Variants in SULT2B1 observed in about 807,000 individuals in gnomAD.
SULT2B1 encodes the protein sulfotransferase 2B1.
Under a neutral mutation model 33.2 loss-of-function variants are expected in SULT2B1, and 16 were observed. The ratio of observed to expected loss-of-function variants is 0.48; its 90% CI spans 0.33 to 0.73. SULT2B1 has a LOEUF of 0.73. Among genes scored for constraint, SULT2B1 ranks in the 30% least tolerant of loss-of-function variants. The probability of loss-of-function intolerance (pLI) is 0.02; values close to 1 mark genes in which losing one functional copy is unlikely to be tolerated. For synonymous variants in SULT2B1, 186 were observed against 200.5 expected (o/e 0.93, Z 0.61); for missense variants, 500 against 506.0 (o/e 0.99, Z 0.11).
chr19:48,581,414 T>C (rs1297204414), intron 2 of SULT2B1, among the ~76,000 whole-genome samples: 1 of 151,556 alleles, frequency 6.6e-6, no homozygotes, highest in Non-Finnish European at 1.5e-5. Context: ...TTTGGTAAAG[T>C]GTTGAAATAT....
chr19:48,585,274 T>G (rs140260348), intron 2 of SULT2B1, among the ~76,000 whole-genome samples: 2 of 152,264 alleles, frequency 1.3e-5, no homozygotes, highest in East Asian at 3.9e-4. Context: ...GTTTCTCTTC[T>G]GAACAGCCTG....
intron 1 of SULT2B1, chr19:48,575,426 C>A (rs1442380156): frequency 6.7e-6 from 1 of 149,230 alleles, no homozygotes; most frequent in African/African-American, 2.5e-5. Context: ...GTGTGAGCCA[C>A]CGCGCCTGGG....
chr19:48,569,364 ATATATATAT>A (rs1973289636), intron 1 of SULT2B1, among the ~76,000 whole-genome samples: 1 of 1,418 alleles, frequency 7.1e-4, no homozygotes, highest in Non-Finnish European at 1.7e-3. Context: ...AAAAAAAAAC[ATATATATAT>A]ATATATATAT....
rs1568405738 is a variant in SULT2B1, at chr19:48,569,357, A to ATAT, written c.72-6584_72-6583insTAT. Among the ~76,000 whole-genome samples the ATAT allele has an allele frequency of 3.8e-4, 4 of 10,472 alleles. No homozygotes were observed. In the African/African-American group the frequency reaches 3.8e-3, roughly 10 times the overall value. The allele number at this position is 10,472 out of a possible 152,430, so 6.9% of individuals were successfully genotyped here. On this transcript the variant is annotated intron_variant, in intron 1 of 6. Coordinates refer to ENST00000201586, the MANE Select transcript of SULT2B1 (RefSeq NM_177973.2). Reference sequence around the variant, plus strand: ...ACTCCGTCTCAAAAAAAAAAAAAAAAAAAAACATATATATATATATATATA... The same window carrying ATAT: ...ACTCCGTCTCAAAAAAAAAAAAAAAATATAAAAACATATATATATATATATATA...
Position 48,592,763 on chromosome 19 carries a change from C to T in SULT2B1, c.592C>T (p.Arg198Trp), listed in dbSNP as rs544329093. The change falls in exon 5 of 7, where the codon CGG (arginine) becomes TGG (tryptophan). Residue 198 changes from arginine (R) to tryptophan (W), a missense_variant. Transcript: ENST00000201586. ...SWFDHIKGWL[R>W]MKGKDNFLFI... is the part of the protein sequence containing the mutation. ...GTTCGACCACATTAAGGGCTGGCTT[C>T]GGATGAAGGGCAAAGACAACTTCCT... 6.9e-6 allele frequency: 11 copies of T among 1,598,100 alleles called. No individual in the cohort carries two copies. The highest frequency in any genetic ancestry group is 5.2e-5 in the Admixed American group (3 of 57,450).
Position 48,591,754 on chromosome 19 carries a change from G to A in SULT2B1, c.550+19G>A, listed in dbSNP as rs370601372. ...GGCGAAGGTGGGGACAGGGTAAAGC[G>A]GGGCAGGAGGGGTGGGGAGGAGCCC... On this transcript the variant is annotated intron_variant, in intron 4 of 6. Transcript: ENST00000201586. 145 of 1,553,594 alleles carry A rather than the reference G, an allele frequency of 9.3e-5. No individual in the cohort carries two copies. The African/African-American group carries it at 1.1e-3, about 12-fold the overall frequency.
chr19:48,563,239 C>G (rs930721222), intron 1 of SULT2B1, among the ~76,000 whole-genome samples: 1 of 152,094 alleles, frequency 6.6e-6, no homozygotes, highest in African/African-American at 2.4e-5. Flanking sequence ...TTAAAACCTA[C>G]TTTACAGCTA....
At chr19:48,574,164 TGAG>T (rs1369906324) in intron 1 of SULT2B1, among the ~76,000 whole-genome samples, 1 of 152,110 alleles carries the variant, frequency 6.6e-6, no homozygotes, top group East Asian at 1.9e-4. Flanking sequence ...GCCCAGCCCT[TGAG>T]GAGTTTTCAA....
intron 5 of SULT2B1, among the ~76,000 whole-genome samples, chr19:48,593,713 C>T (rs997808345): frequency 6.6e-6 from 1 of 151,098 alleles, no homozygotes; most frequent in African/African-American, 2.4e-5. Flanking sequence ...CGGCTCACCG[C>T]AACCTCCAAC....
intron 1 of SULT2B1, among the ~76,000 whole-genome samples, chr19:48,573,193 T>A (rs918283304): frequency 1.3e-5 from 2 of 151,264 alleles, no homozygotes; most frequent in African/African-American, 4.9e-5. Context: ...TCCAGGGGGC[T>A]TGCAGGCAGA....
rs371872946 is a variant in SULT2B1 at position 48,553,891 on chromosome 19, T to G, written c.71+1568T>G. 8.5e-5 allele frequency among the ~76,000 whole-genome samples: 13 copies of G among 152,282 alleles called. No homozygotes were observed. In the East Asian group the frequency reaches 1.7e-3, roughly 20 times the overall value. On this transcript the variant is annotated intron_variant, in intron 1 of 6. Transcript: ENST00000201586. ...GTTCTGCAATTCTTCTCTCCAGAGA[T>G]AAACAGATAAGCCAGCTCGCCTCCA...
At chr19:48,576,359 C>CTTTTTT (rs1188887401) in intron 2 of SULT2B1, among the ~76,000 whole-genome samples, 2 of 96,716 alleles carry the variant, frequency 2.1e-5, no homozygotes, top group African/African-American at 4.3e-5. Flanking sequence ...CTCTACTTCT[C>CTTTTTT]TTTTTTTTTT....
intron 2 of SULT2B1, among the ~76,000 whole-genome samples, chr19:48,577,028 ATTTTTTTTTTT>A (rs71179012): frequency 2.5e-4 from 23 of 92,942 alleles, no homozygotes; most frequent in South Asian, 7.7e-4. Flanking sequence ...ACCCCCCTCT[ATTTTTTTTTTT>A]TTTTTTTTTT....
intron 1 of SULT2B1, among the ~76,000 whole-genome samples, chr19:48,568,802 G>A (rs1039602803): frequency 3.9e-5 from 6 of 152,152 alleles, no homozygotes; most frequent in African/African-American, 1.2e-4. Flanking sequence ...CCTGCTGTCC[G>A]ATCGCATTCC....
chr19:48,576,189 C>A, intron 2 of SULT2B1, 106 bp downstream of exon 2: 1 of 1,075,714 alleles, frequency 9.3e-7, no homozygotes, highest in Non-Finnish European at 1.4e-6. Flanking sequence ...AAAGTGGGGC[C>A]GGGTCTGTTC....
At chr19:48,575,582 A>G (rs7249118) in intron 1 of SULT2B1, 108,118 of 161,610 alleles carry the variant, frequency 0.67, 36,300 homozygotes, top group East Asian at 0.77. Context: ...CTGGGTTCAA[A>G]CGATTCTCCT....
At chr19:48,553,243 C>T (rs750878852) in intron 1 of SULT2B1, among the ~76,000 whole-genome samples, 1 of 152,128 alleles carries the variant, frequency 6.6e-6, no homozygotes, top group Admixed American at 6.6e-5. Flanking sequence ...CTCCAGCCAC[C>T]GTGGGCTGTG....
chr19:48,591,040 C>A (rs904571633), intron 3 of SULT2B1: 5 of 152,254 alleles, frequency 3.3e-5, no homozygotes, highest in African/African-American at 1.2e-4. Flanking sequence ...ATTATGTTGT[C>A]CAGGCTGGTC....
intron 2 of SULT2B1, among the ~76,000 whole-genome samples, chr19:48,577,383 A>C (rs1215987039): frequency 1.4e-4 from 1 of 7,004 alleles, no homozygotes. Context: ...TTTTTTTTTT[A>C]GAGACAGAGT....
Sources: gnomAD v4.1 joint callset for allele counts (sites outside exome capture counted in the v4.1 genomes callset) on GRCh38, gnomAD v4.1.1 for gene constraint, MANE v1.5 for transcripts, NCBI Gene and HGNC (gene_info 2026-07-23, HGNC 2026-07-21) for gene names.